Variants in RASA2 observed in about 807,000 individuals in gnomAD.
The protein encoded by RASA2 is ras GTPase-activating protein 2.
A neutral mutation model predicts 118.2 loss-of-function variants in RASA2; 155 were observed. That is an observed-to-expected ratio of 1.31 (90% confidence interval 1.15 to 1.50). The LOEUF is 1.50. RASA2 is among the 40% of genes most tolerant of loss of function. The pLI, the probability that RASA2 is intolerant of heterozygous loss-of-function variation, is 0.00. For synonymous variants in RASA2, 353 were observed against 349.1 expected (o/e 1.01, Z -0.12); for missense variants, 1,016 against 1,009.6 (o/e 1.01, Z -0.09).
At chr3:141,511,016 C>T (rs78512653) in intron 1 of RASA2, among the ~76,000 whole-genome samples, 3,595 of 152,000 alleles carry the variant, frequency 0.024, 141 homozygotes, top group African/African-American at 0.076. Flanking sequence ...CATGTTTGTT[C>T]GAATAAAAGA....
In RASA2 at chr3:141,583,694, C is replaced by T. The variant is rs147758728; in HGVS notation, c.1753-2331C>T. On this transcript the variant is annotated intron_variant, in intron 17 of 23. Coordinates refer to ENST00000286364, the MANE Select transcript of RASA2 (RefSeq NM_006506.5). ...GCAAACAGAAGTAAACATTCCATTTCAAAACTCCTTAAGTCTGAGCTCTGG... is the reference window on the plus strand; with the variant it reads ...GCAAACAGAAGTAAACATTCCATTTTAAAACTCCTTAAGTCTGAGCTCTGG... Among the ~76,000 whole-genome samples, 751 of 152,240 alleles carry T rather than the reference C, an allele frequency of 4.9e-3. 7 individuals carry two copies. The highest frequency in any genetic ancestry group is 0.017 in the African/African-American group (717 of 41,518).
At chr3:141,583,399 T>C (rs2083147781) in intron 17 of RASA2, among the ~76,000 whole-genome samples, 1 of 152,072 alleles carries the variant, frequency 6.6e-6, no homozygotes, top group Admixed American at 6.6e-5. Flanking sequence ...CACTCCAGCT[T>C]GGGCAACAAG....
chr3:141,587,318 A>G (rs2083219580), intron 19 of RASA2, among the ~76,000 whole-genome samples: 1 of 152,222 alleles, frequency 6.6e-6, no homozygotes, highest in African/African-American at 2.4e-5. Context: ...CCATCTTCCT[A>G]CAGTGTGATT....
At chr3:141,557,852 C>G (rs2082672593) in intron 7 of RASA2, among the ~76,000 whole-genome samples, 1 of 152,140 alleles carries the variant, frequency 6.6e-6, no homozygotes, top group African/African-American at 2.4e-5. Flanking sequence ...AATGCTGCCC[C>G]CAAGGTTCCA....
intron 9 of RASA2, among the ~76,000 whole-genome samples, chr3:141,562,733 C>G (rs1178549105): frequency 6.6e-6 from 1 of 151,594 alleles, no homozygotes; most frequent in African/African-American, 2.4e-5. Flanking sequence ...AGTGCAGTAG[C>G]GCCATCTTGG....
At chr3:141,505,982 G>T (rs1343592765) in intron 1 of RASA2, among the ~76,000 whole-genome samples, 5 of 152,122 alleles carry the variant, frequency 3.3e-5, no homozygotes, top group Non-Finnish European at 7.4e-5. Flanking sequence ...AGATGTTCTT[G>T]GCATACTTGC....
chr3:141,602,918 T>G (rs545865104), intron 19 of RASA2, among the ~76,000 whole-genome samples: 1 of 152,296 alleles, frequency 6.6e-6, no homozygotes, highest in East Asian at 1.9e-4. Flanking sequence ...TCTGGCAAGT[T>G]TATTATCAGG....
At chr3:141,525,191 C>T (rs909379364) in intron 3 of RASA2, 1 of 152,124 alleles carries the variant, frequency 6.6e-6, no homozygotes, top group African/African-American at 2.4e-5. Flanking sequence ...TTTTAAGGAA[C>T]TAATACAGCA....
At chr3:141,504,649 A>T (rs938464845) in intron 1 of RASA2, among the ~76,000 whole-genome samples, 17 of 152,112 alleles carry the variant, frequency 1.1e-4, no homozygotes, top group African/African-American at 4.1e-4. Context: ...CTATCTAGTC[A>T]CCTGCTTCTA....
intron 11 of RASA2, among the ~76,000 whole-genome samples, chr3:141,572,092 TTTTG>T (rs1323801656): frequency 8.7e-5 from 13 of 149,072 alleles, no homozygotes; most frequent in South Asian, 4.3e-4. Context: ...GTATTGAGTT[TTTTG>T]TTTGTTTGTT....
intron 19 of RASA2, among the ~76,000 whole-genome samples, chr3:141,604,939 A>G (rs555170180): frequency 6.6e-6 from 1 of 152,064 alleles, no homozygotes; most frequent in South Asian, 2.1e-4. Context: ...ATAAATAAAT[A>G]AATTGAACAG....
intron 15 of RASA2, among the ~76,000 whole-genome samples, 191 bp downstream of exon 15, chr3:141,577,297 AG>A (rs1429728159): frequency 6.6e-6 from 1 of 152,154 alleles, no homozygotes; most frequent in Non-Finnish European, 1.5e-5. Flanking sequence ...TGTTGTTAAA[AG>A]ATGTTCTACA....
intron 5 of RASA2, among the ~76,000 whole-genome samples, chr3:141,543,651 G>A (rs771433673): frequency 2.0e-5 from 3 of 151,160 alleles, no homozygotes; most frequent in Non-Finnish European, 4.4e-5. Context: ...CTCTTCATTT[G>A]TAAAAGATAA....
At chr3:141,524,213 A>T (rs2082153082) in intron 3 of RASA2, among the ~76,000 whole-genome samples, 1 of 152,164 alleles carries the variant, frequency 6.6e-6, no homozygotes, top group Non-Finnish European at 1.5e-5. Flanking sequence ...TCTGATTCAT[A>T]TGTCTGATGG....
At chr3:141,580,981 C>A in intron 16 of RASA2, 119 bp from the exon 17 acceptor site, 1 of 1,106,518 alleles carries the variant, frequency 9.0e-7, no homozygotes, top group South Asian at 2.4e-5. Flanking sequence ...AAGCCCTGAA[C>A]TCTCTGAAAA....
At position 141,570,294 on chromosome 3, in the gene RASA2, T is replaced by C. The variant is rs1029164935; in HGVS notation, c.864-618T>C. Among the ~76,000 whole-genome samples the C allele has an allele frequency of 2.6e-5, 4 of 152,020 alleles. No individual in the cohort carries two copies. The East Asian group carries it at 5.8e-4, about 22-fold the overall frequency. On this transcript the variant is annotated intron_variant, in intron 9 of 23. Coordinates refer to ENST00000286364, the MANE Select transcript of RASA2 (RefSeq NM_006506.5). Reference sequence around the variant, plus strand: ...TGGAGTACAGTGGCGGGATCTCAGCTCACTGCAACTCCGCCTCCTGAGTTC... The same window carrying C: ...TGGAGTACAGTGGCGGGATCTCAGCCCACTGCAACTCCGCCTCCTGAGTTC...
At chr3:141,582,303 T>C (rs2083127555) in intron 17 of RASA2, among the ~76,000 whole-genome samples, 1 of 152,188 alleles carries the variant, frequency 6.6e-6, no homozygotes, top group African/African-American at 2.4e-5. Context: ...TTAACCAAAA[T>C]TTTTTTAGGC....
chr3:141,534,545 T>C (rs1444724199), intron 4 of RASA2, among the ~76,000 whole-genome samples: 1 of 152,124 alleles, frequency 6.6e-6, no homozygotes, highest in East Asian at 1.9e-4. Flanking sequence ...AACAAGCATA[T>C]CTTGAATTTC....
chr3:141,518,213 G>A (rs562835635), intron 3 of RASA2, among the ~76,000 whole-genome samples: 51 of 151,714 alleles, frequency 3.4e-4, no homozygotes, highest in African/African-American at 1.2e-3. Context: ...TTGGCCAGGT[G>A]CAGTGGCTCA....
Sources: allele counts gnomAD v4.1 joint callset (sites outside exome capture counted in the v4.1 genomes callset), GRCh38; gene constraint gnomAD v4.1.1; transcripts MANE v1.5; gene names NCBI Gene and HGNC (gene_info 2026-07-23, HGNC 2026-07-21).